Variants in DCP1A observed in about 807,000 individuals in gnomAD.
DCP1A encodes the protein decapping mRNA 1A.
A neutral mutation model predicts 58.0 loss-of-function variants in DCP1A; 20 were observed. The ratio of observed to expected loss-of-function variants is 0.34; its 90% CI spans 0.24 to 0.50. The LOEUF is 0.50. Ranked by LOEUF, DCP1A falls within the 20% of genes least tolerant of loss-of-function variation. DCP1A has a pLI of 0.98. For missense variants in DCP1A, 613 were observed against 712.2 expected (o/e 0.86, Z 1.59); for synonymous variants, 285 against 275.1 (o/e 1.04, Z -0.36).
chr3:53,320,153 G>T (rs1707921177), intron 3 of DCP1A, among the ~76,000 whole-genome samples: 1 of 151,258 alleles, frequency 6.6e-6, no homozygotes, highest in Non-Finnish European at 1.5e-5. Context: ...TATTAAAATT[G>T]TTACAATACA....
rs188706656 is a variant in DCP1A at position 53,294,972 on chromosome 3, T to A, written c.625-2145A>T. Among the ~76,000 whole-genome samples the A allele has an allele frequency of 1.7e-4, 26 of 152,284 alleles. 1 individual carries two copies. Among genetic ancestry groups the A allele is most frequent in the African/African-American group, 6.0e-4 (25 of 41,576 alleles). On this transcript the variant is annotated intron_variant, in intron 6 of 9. Transcript: ENST00000610213. Reference sequence around the variant, plus strand: ...CAGGACCACAGATCCCATCAGTACATGGCAGACACTCAACAGTGCTCTCTT... The same window carrying A: ...CAGGACCACAGATCCCATCAGTACAAGGCAGACACTCAACAGTGCTCTCTT...
Position 53,300,489 on chromosome 3 carries a change from C to T in DCP1A, c.624+3688G>A, listed in dbSNP as rs149677698. On this transcript the variant is annotated intron_variant, in intron 6 of 9. Transcript: ENST00000610213. Reference sequence around the variant, plus strand: ...AGTAGCTGGGATTACAGGCATGTGCCACCACCCCTGGCTAATTTCTTTTCT... The same window carrying T: ...AGTAGCTGGGATTACAGGCATGTGCTACCACCCCTGGCTAATTTCTTTTCT... Among the ~76,000 whole-genome samples, 2,028 of 152,208 alleles carry T rather than the reference C, an allele frequency of 0.013. 117 individuals are homozygous for T. The South Asian group carries it at 0.14, about 11-fold the overall frequency.
chr3:53,347,161 G>C (rs2089301518), intron 1 of DCP1A, among the ~76,000 whole-genome samples: 1 of 152,078 alleles, frequency 6.6e-6, no homozygotes, highest in Admixed American at 6.5e-5. Context: ...CCCTCCACTG[G>C]CTTTTCCTTG....
At chr3:53,290,098 AGG>A (rs1399412445) in intron 8 of DCP1A, among the ~76,000 whole-genome samples, 2 of 152,150 alleles carry the variant, frequency 1.3e-5, no homozygotes, top group Non-Finnish European at 2.9e-5. Flanking sequence ...AGACTCAAGG[AGG>A]GTACAAAGGC....
At chr3:53,335,134 TTTTA>T (rs1189269573) in intron 3 of DCP1A, among the ~76,000 whole-genome samples, 6 of 150,960 alleles carry the variant, frequency 4.0e-5, no homozygotes, top group Non-Finnish European at 8.9e-5. Flanking sequence ...TATATATTTT[TTTTA>T]TTTTTATTTA....
chr3:53,292,958 A>G, intron 6 of DCP1A, 131 bp from the exon 7 acceptor site: 1 of 934,720 alleles, frequency 1.1e-6, no homozygotes, highest in Non-Finnish European at 1.6e-6. Context: ...AACGGAAAAA[A>G]CTGAAGATAT....
chr3:53,309,391 T>C (rs1707578662), intron 5 of DCP1A, among the ~76,000 whole-genome samples: 1 of 150,458 alleles, frequency 6.6e-6, no homozygotes, highest in Non-Finnish European at 1.5e-5. Context: ...AAAAGGAAAG[T>C]TAATTAAAAG....
At chr3:53,347,061 G>T (rs778533180) in intron 1 of DCP1A, among the ~76,000 whole-genome samples, 1 of 152,036 alleles carries the variant, frequency 6.6e-6, no homozygotes. Context: ...TGACCCCACC[G>T]GTCTTATAAC....
At chr3:53,331,194 T>A (rs2088993003) in intron 3 of DCP1A, among the ~76,000 whole-genome samples, 1 of 152,076 alleles carries the variant, frequency 6.6e-6, no homozygotes, top group Non-Finnish European at 1.5e-5. Context: ...CCAAAGAAAA[T>A]CATTAAATGC....
In DCP1A at chr3:53,292,467, C is replaced by A; in HGVS notation, c.985G>T (p.Ala329Ser). The A allele has an allele frequency of 6.2e-7, 1 of 1,613,924 alleles. No homozygotes were observed. The highest frequency in any genetic ancestry group is 8.5e-7 in the Non-Finnish European group (1 of 1,179,884). Residue 329 changes from alanine to serine, a missense_variant, in exon 7 of 10, where the codon GCA becomes TCA. Transcript: ENST00000610213. ...SPTLPAEAPTAQVPPSLPRNS... is the reference protein window; with the variant it reads ...SPTLPAEAPTSQVPPSLPRNS... Reference sequence around the variant, plus strand: ...CGAGGTAAGCTGGGGGGAACCTGTGCAGTAGGAGCTTCAGCTGGCAGAGTG... The same window carrying A: ...CGAGGTAAGCTGGGGGGAACCTGTGAAGTAGGAGCTTCAGCTGGCAGAGTG...
chr3:53,340,389 A>G (rs1553692399), intron 3 of DCP1A, among the ~76,000 whole-genome samples: 1 of 152,216 alleles, frequency 6.6e-6, no homozygotes, highest in African/African-American at 2.4e-5. Context: ...ACCTGGACAA[A>G]TAGTTTACTG....
At position 53,292,646 on chromosome 3, in the gene DCP1A, G is replaced by A; in HGVS notation, c.806C>T (p.Pro269Leu). The A allele has an allele frequency of 6.2e-7, 1 of 1,613,646 alleles. No individual in the cohort carries two copies. Among genetic ancestry groups the A allele is most frequent in the Non-Finnish European group, 8.5e-7 (1 of 1,179,736 alleles). The change falls in exon 7 of 10, where the codon CCT (proline) becomes CTT (leucine). Residue 269 changes from proline (P) to leucine (L), a missense_variant. Pro to Leu is a moderately conservative substitution (Grantham distance 98). Coordinates refer to ENST00000610213, the MANE Select transcript of DCP1A (RefSeq NM_018403.7). ...AGGGACACCCAGGGTTTCTGATTGAGGGGCTCCTCCTAACTGCTCAAAGGG... is the reference window on the plus strand; with the variant it reads ...AGGGACACCCAGGGTTTCTGATTGAAGGGCTCCTCCTAACTGCTCAAAGGG... ...PFPFEQLGGA[P>L]QSETLGVPSA...
chr3:53,346,343 C>T (rs1189604324), intron 1 of DCP1A, among the ~76,000 whole-genome samples: 1 of 152,110 alleles, frequency 6.6e-6, no homozygotes, highest in Non-Finnish European at 1.5e-5. Context: ...AAATGATTTT[C>T]GATAAATTAC....
chr3:53,334,170 G>T (rs2089069475), intron 3 of DCP1A, among the ~76,000 whole-genome samples: 1 of 152,108 alleles, frequency 6.6e-6, no homozygotes, highest in African/African-American at 2.4e-5. Flanking sequence ...AGGCTGAAAT[G>T]GAAGGATCAC....
At chr3:53,319,749 C>T (rs548857113) in intron 3 of DCP1A, among the ~76,000 whole-genome samples, 37 of 152,256 alleles carry the variant, frequency 2.4e-4, no homozygotes, top group Non-Finnish European at 4.9e-4. Context: ...AAGATGCAAC[C>T]ATTATTTATG....
intron 3 of DCP1A, among the ~76,000 whole-genome samples, chr3:53,335,861 A>G (rs1367834306): frequency 6.6e-6 from 1 of 152,018 alleles, no homozygotes; most frequent in Non-Finnish European, 1.5e-5. Context: ...GGGTCTCACT[A>G]TCACCCAGGC....
At chr3:53,346,355 GATAAAT>G (rs2089291473) in intron 1 of DCP1A, among the ~76,000 whole-genome samples, 1 of 152,134 alleles carries the variant, frequency 6.6e-6, no homozygotes, top group African/African-American at 2.4e-5. Flanking sequence ...ATAAATTACT[GATAAAT>G]ATAATCTATG....
chr3:53,288,461 C>A, intron 8 of DCP1A, 178 bp from the exon 9 acceptor site: 1 of 597,526 alleles, frequency 1.7e-6, no homozygotes. Context: ...TGGTTATAAA[C>A]TTCCATTAGC....
intron 6 of DCP1A, among the ~76,000 whole-genome samples, chr3:53,294,125 T>G (rs1707031926): frequency 6.6e-6 from 1 of 152,178 alleles, no homozygotes; most frequent in Non-Finnish European, 1.5e-5. Flanking sequence ...GCGGGCAGAC[T>G]GCAGAGTATC....
Sources: gnomAD v4.1 joint callset for allele counts (sites outside exome capture counted in the v4.1 genomes callset) on GRCh38, gnomAD v4.1.1 for gene constraint, MANE v1.5 for transcripts, NCBI Gene and HGNC (gene_info 2026-07-23, HGNC 2026-07-21) for gene names.